COL11A1: variants seen among roughly 807,000 people sequenced by gnomAD.
COL11A1 encodes collagen alpha-1(XI) chain.
COL11A1 carries 74 observed loss-of-function variants against 265.2 expected under a neutral mutation model. The observed-to-expected ratio is 0.28, with a 90% CI of 0.23 to 0.34. COL11A1 has a LOEUF of 0.34. Among genes scored for constraint, COL11A1 ranks in the 10% least tolerant of loss-of-function variants. The pLI, the probability that COL11A1 is intolerant of heterozygous loss-of-function variation, is 1.00. For missense variants in COL11A1, 2,165 were observed against 2,263.6 expected, an observed-to-expected ratio of 0.96 and a Z score of 0.88; for synonymous variants, 816 against 727.6, an observed-to-expected ratio of 1.12 and a Z score of -1.96.
At chr1:102,922,971 A>C (rs949134100) in intron 47 of COL11A1, among the ~76,000 whole-genome samples, 1 of 152,234 alleles carries the variant, frequency 6.6e-6, no homozygotes, top group Non-Finnish European at 1.5e-5. Flanking sequence ...TTCATAAACA[A>C]TTATATGCAT....
At position 103,022,873 on chromosome 1, in the gene COL11A1, G is replaced by T; in HGVS notation, c.1114C>A (p.Leu372Ile). 6.2e-7 allele frequency: 1 copy of T among 1,613,894 alleles called. No individual in the cohort carries two copies. The highest frequency in any genetic ancestry group is 1.3e-5 in the African/African-American group (1 of 75,034). The change falls in exon 8 of 67, where the codon CTT becomes ATT. Residue 372 changes from leucine (L) to isoleucine (I), a missense_variant. By Grantham distance (5) the Leu-to-Ile change is conservative. Coordinates refer to ENST00000370096, the MANE Select transcript of COL11A1 (RefSeq NM_001854.4). ...NKEIDGRDSD[L>I]LVDGDLGEYD... Reference sequence around the variant, plus strand: ...TCGCCTAAATCTCCATCTACCAGAAGATCAGAATCCCTGCCGTCTATTTCT... The same window carrying T: ...TCGCCTAAATCTCCATCTACCAGAATATCAGAATCCCTGCCGTCTATTTCT...
At chr1:102,989,048 T>C (rs1183844271) in intron 29 of COL11A1, among the ~76,000 whole-genome samples, 2 of 152,134 alleles carry the variant, frequency 1.3e-5, no homozygotes, top group Non-Finnish European at 2.9e-5. Flanking sequence ...CTATAATGTA[T>C]TACTAGAAAA....
intron 2 of COL11A1, among the ~76,000 whole-genome samples, chr1:103,079,962 G>A (rs945303721): frequency 6.6e-6 from 1 of 151,880 alleles, no homozygotes; most frequent in African/African-American, 2.4e-5. Flanking sequence ...TTCTAAGAAT[G>A]TATGGGGAGA....
At chr1:102,985,584 C>G (rs1417593003) in intron 30 of COL11A1, among the ~76,000 whole-genome samples, 1 of 152,072 alleles carries the variant, frequency 6.6e-6, no homozygotes, top group African/African-American at 2.4e-5. Flanking sequence ...TGTATATACT[C>G]TAATTCATTT....
intron 4 of COL11A1, among the ~76,000 whole-genome samples, chr1:103,033,179 C>T (rs909445963): frequency 2.0e-5 from 3 of 152,042 alleles, no homozygotes; most frequent in Admixed American, 1.3e-4. Context: ...TACTTCATTC[C>T]TCTTTTCAAG....
At chr1:103,024,134 T>G (rs566581876) in intron 7 of COL11A1, among the ~76,000 whole-genome samples, 1 of 152,230 alleles carries the variant, frequency 6.6e-6, no homozygotes, top group East Asian at 1.9e-4. Flanking sequence ...TCTTGCTACT[T>G]TTTATTTTTT....
chr1:102,927,153 A>C (rs1242296147), intron 46 of COL11A1, among the ~76,000 whole-genome samples: 1 of 151,938 alleles, frequency 6.6e-6, no homozygotes, highest in Non-Finnish European at 1.5e-5. Flanking sequence ...TAAAGATACA[A>C]ATTTTTTATA....
chr1:102,912,722 C>T (rs979987929), intron 53 of COL11A1, among the ~76,000 whole-genome samples: 1 of 151,978 alleles, frequency 6.6e-6, no homozygotes, highest in Non-Finnish European at 1.5e-5. Context: ...TGAGAGGGAC[C>T]CAGTGGGAGG....
chr1:102,987,561 A>G (rs577704706), intron 30 of COL11A1, 72 bp downstream of exon 30: 16 of 1,145,802 alleles, frequency 1.4e-5, no homozygotes, highest in Admixed American at 3.4e-5. Context: ...GACACCAGTT[A>G]TTGAAAGAAA....
At chr1:103,004,739 C>G (rs1008844623) in intron 18 of COL11A1, 78 bp from the exon 19 acceptor site, 28 of 1,245,252 alleles carry the variant, frequency 2.2e-5, no homozygotes, top group Middle Eastern at 2.7e-4. Context: ...GCTATCCAAA[C>G]CAAATAAAAC....
intron 48 of COL11A1, among the ~76,000 whole-genome samples, chr1:102,921,159 A>T (rs937434794): frequency 6.6e-6 from 1 of 152,216 alleles, no homozygotes; most frequent in Non-Finnish European, 1.5e-5. Flanking sequence ...AAGCTTTTAC[A>T]TGAAAGCCAC....
At chr1:103,020,814 C>T (rs1666986269) in intron 9 of COL11A1, among the ~76,000 whole-genome samples, 1 of 134,644 alleles carries the variant, frequency 7.4e-6, no homozygotes, top group African/African-American at 2.7e-5. Flanking sequence ...ATATGGCTAG[C>T]CAGTTTTCCC....
At chr1:102,938,884 A>C (rs1658424130) in intron 44 of COL11A1, 151 bp downstream of exon 44, 1 of 662,184 alleles carries the variant, frequency 1.5e-6, no homozygotes, top group South Asian at 1.8e-5. Context: ...AATATATAAA[A>C]TTATAGAATG....
chr1:102,967,483 G>A (rs530880543), intron 37 of COL11A1, among the ~76,000 whole-genome samples: 21 of 151,890 alleles, frequency 1.4e-4, no homozygotes, highest in Non-Finnish European at 2.4e-4. Context: ...TTCGTGATCC[G>A]CCCGCCTCGG....
chr1:103,016,824 T>A (rs1666606108), intron 11 of COL11A1, among the ~76,000 whole-genome samples: 1 of 152,014 alleles, frequency 6.6e-6, no homozygotes, highest in Admixed American at 6.6e-5. Flanking sequence ...AATAATTTTT[T>A]AAAATCCTAA....
intron 4 of COL11A1, among the ~76,000 whole-genome samples, chr1:103,036,808 C>T (rs1007590472): frequency 2.0e-5 from 3 of 152,004 alleles, no homozygotes; most frequent in African/African-American, 4.8e-5. Context: ...AAGGCATCCT[C>T]CTCCTTTAAT....
chr1:102,898,113 G>T lies in COL11A1; in HGVS notation c.4302+12C>A. The T allele has an allele frequency of 6.5e-7, 1 of 1,548,164 alleles. No homozygotes were observed. Among genetic ancestry groups the T allele is most frequent in the East Asian group, 2.3e-5 (1 of 42,676 alleles). ...TTCTCACTTTTTAAATGACTGAAAA[G>T]ATCTTACTCACCATAGGACCAGGTG... On this transcript the variant is annotated intron_variant, in intron 57 of 66. Coordinates refer to ENST00000370096, the MANE Select transcript of COL11A1 (RefSeq NM_001854.4).
intron 10 of COL11A1, 38 bp from the exon 11 acceptor site, chr1:103,017,920 A>C (rs1666696661): frequency 2.0e-6 from 3 of 1,479,824 alleles, no homozygotes; most frequent in African/African-American, 2.8e-5. Flanking sequence ...CAGATTCCTA[A>C]TCTCATTAAT....
intron 45 of COL11A1, 78 bp from the exon 46 acceptor site, chr1:102,934,634 C>G: frequency 9.1e-7 from 1 of 1,103,570 alleles, no homozygotes; most frequent in Non-Finnish European, 1.4e-6. Flanking sequence ...GTGGCCATTT[C>G]TAATTTAATC....
Sources: gnomAD v4.1 joint callset for allele counts (sites outside exome capture counted in the v4.1 genomes callset) on GRCh38, gnomAD v4.1.1 for gene constraint, MANE v1.5 for transcripts, NCBI Gene and HGNC (gene_info 2026-07-23, HGNC 2026-07-21) for gene names.